Variants in IL22RA2 observed in about 807,000 individuals in gnomAD.
IL22RA2 encodes interleukin 22 receptor subunit alpha 2.
IL22RA2 carries 39 observed loss-of-function variants against 30.7 expected under a neutral mutation model. The ratio of observed to expected loss-of-function variants is 1.27; its 90% CI spans 0.98 to 1.66. The LOEUF is 1.66. IL22RA2 is among the 40% of genes most tolerant of loss of function. The pLI, the probability that IL22RA2 is intolerant of heterozygous loss-of-function variation, is 0.00. For missense variants in IL22RA2, 315 were observed against 312.7 expected (o/e 1.01, Z -0.05); for synonymous variants, 103 against 105.0 (o/e 0.98, Z 0.11).
intron 3 of IL22RA2, among the ~76,000 whole-genome samples, chr6:137,157,161 T>G (rs1778423111): frequency 6.6e-6 from 1 of 152,152 alleles, no homozygotes; most frequent in Non-Finnish European, 1.5e-5. Context: ...AGGAAAAGAT[T>G]TATAAATATA....
At chr6:137,147,962 T>C (rs563797902) in intron 5 of IL22RA2, 71 bp from the exon 6 acceptor site, 177 of 1,376,268 alleles carry the variant, frequency 1.3e-4, no homozygotes, top group Non-Finnish European at 2.0e-5. Context: ...TTATGTATAA[T>C]GACAAATCAG....
Position 137,143,851 on chromosome 6 carries a change from T to G in IL22RA2, c.*1773A>C, listed in dbSNP as rs1254275807. 1.3e-5 allele frequency: 2 copies of G among 152,236 alleles called. No individual in the cohort carries two copies. The highest frequency in any genetic ancestry group is 2.9e-5 in the Non-Finnish European group (2 of 68,038). The allele number at this position is 152,236 out of a possible 1,614,324, so 9.4% of individuals were successfully genotyped here. On this transcript the variant is annotated 3_prime_UTR_variant, in exon 7 of 7. Coordinates refer to ENST00000296980, the MANE Select transcript of IL22RA2 (RefSeq NM_052962.3). Reference sequence around the variant, plus strand: ...AAAAAAAGGATTTATTGAAATCATGTGACAATATATCCCTAACACCATGAA... The same window carrying G: ...AAAAAAAGGATTTATTGAAATCATGGGACAATATATCCCTAACACCATGAA...
intron 1 of IL22RA2, among the ~76,000 whole-genome samples, chr6:137,172,140 T>C (rs1201629968): frequency 6.6e-6 from 1 of 152,232 alleles, no homozygotes; most frequent in Non-Finnish European, 1.5e-5. Flanking sequence ...TCAATACCAA[T>C]AGATCTCATT....
intron 5 of IL22RA2, among the ~76,000 whole-genome samples, chr6:137,148,101 A>G (rs1030669508): frequency 3.9e-5 from 6 of 152,180 alleles, no homozygotes; most frequent in Admixed American, 3.3e-4. Flanking sequence ...AGAAAATTGC[A>G]TATGTATTTG....
chr6:137,169,539 G>T (rs1024323083), intron 1 of IL22RA2, among the ~76,000 whole-genome samples: 1 of 152,156 alleles, frequency 6.6e-6, no homozygotes, highest in Non-Finnish European at 1.5e-5. Flanking sequence ...AAAGAAATGT[G>T]TTTACAAAAA....
At chr6:137,157,092 T>C (rs1778422075) in intron 3 of IL22RA2, among the ~76,000 whole-genome samples, 1 of 152,150 alleles carries the variant, frequency 6.6e-6, no homozygotes. Context: ...AAGGATCAAA[T>C]TTCAACATGA....
intron 1 of IL22RA2, among the ~76,000 whole-genome samples, chr6:137,167,476 C>T (rs561445132): frequency 9.2e-5 from 14 of 152,296 alleles, no homozygotes; most frequent in African/African-American, 3.4e-4. Context: ...GGTGAGGTCT[C>T]GCAGGAAATG....
intron 2 of IL22RA2, among the ~76,000 whole-genome samples, chr6:137,159,011 GC>G (rs1358021659): frequency 6.6e-6 from 1 of 152,146 alleles, no homozygotes; most frequent in African/African-American, 2.4e-5. Context: ...CTCCTGAATG[GC>G]TGTATTTACC....
rs558752550 is a variant in IL22RA2 at position 137,158,409 on chromosome 6, C to A, written c.135G>T (p.Leu45Phe). 21 of 1,614,150 alleles carry A rather than the reference C, an allele frequency of 1.3e-5. No individual in the cohort carries two copies. In the South Asian group the frequency reaches 1.9e-4, roughly 14 times the overall value. Residue 45 changes from leucine (L) to phenylalanine (F), a missense_variant, in exon 3 of 7, where the codon TTG becomes TTT. Physicochemically the swap from Leu to Phe is conservative, Grantham distance 22. Coordinates refer to ENST00000296980, the MANE Select transcript of IL22RA2 (RefSeq NM_052962.3). ...TAAGTGCCCTCCCAGGCTGCCATTG[C>A]AAAATGTTGTGAAAATTTCGGGACT... The part of the protein sequence containing the change: ...QFQSRNFHNI[L>F]QWQPGRALTG...
At chr6:137,146,822 G>C (rs571432570) in intron 6 of IL22RA2, among the ~76,000 whole-genome samples, 9 of 152,044 alleles carry the variant, frequency 5.9e-5, no homozygotes, top group African/African-American at 1.9e-4. Context: ...GCCAGAGCCT[G>C]TCCCTACTAA....
At chr6:137,154,325 T>G (rs1221792526) in intron 5 of IL22RA2, among the ~76,000 whole-genome samples, 1 of 152,120 alleles carries the variant, frequency 6.6e-6, no homozygotes, top group Non-Finnish European at 1.5e-5. Context: ...TAAAAATACT[T>G]TTTTAGGGGC....
chr6:137,158,389 G>A lies in IL22RA2; in HGVS notation c.155C>T (p.Ala52Val). 1 of 1,614,158 alleles carries A rather than the reference G, an allele frequency of 6.2e-7. No individual in the cohort carries two copies. Among genetic ancestry groups the A allele is most frequent in the Non-Finnish European group, 8.5e-7 (1 of 1,179,998 alleles). ...ATAGACACTGCTGTTGCCAGTAAGT[G>A]CCCTCCCAGGCTGCCATTGCAAAAT... ...HNILQWQPGR[A>V]LTGNSSVYFV... The change falls in exon 3 of 7, where the codon GCA (alanine) becomes GTA (valine). Residue 52 changes from alanine to valine, a missense_variant. Physicochemically the swap from Ala to Val is moderately conservative, Grantham distance 64. Transcript: ENST00000296980.
At chr6:137,158,514 C>A (rs767227640) in intron 2 of IL22RA2, 32 bp from the exon 3 acceptor site, 7 of 1,611,964 alleles carry the variant, frequency 4.3e-6, no homozygotes, top group Non-Finnish European at 2.5e-6. Flanking sequence ...GAACATTGAA[C>A]GTTGCTTGGA....
chr6:137,145,797 CA>C, intron 6 of IL22RA2, 24 bp from the exon 7 acceptor site: 1 of 1,613,346 alleles, frequency 6.2e-7, no homozygotes, highest in Non-Finnish European at 8.5e-7. Flanking sequence ...AGAAAATAAT[CA>C]GTTGGTAAAT....
chr6:137,150,558 C>G (rs1031749794), intron 5 of IL22RA2, among the ~76,000 whole-genome samples: 4 of 147,982 alleles, frequency 2.7e-5, no homozygotes, highest in African/African-American at 1.0e-4. Flanking sequence ...TCAACACTAT[C>G]CCAATTTAAA....
chr6:137,162,693 C>T (rs1027086570), intron 1 of IL22RA2, among the ~76,000 whole-genome samples: 2 of 152,142 alleles, frequency 1.3e-5, no homozygotes, highest in East Asian at 3.9e-4. Flanking sequence ...AAGTCATGTT[C>T]CATAGTGAAC....
chr6:137,158,377 T>C lies in IL22RA2; in HGVS notation c.167A>G (p.Asn56Ser), dbSNP rs374224961. Residue 56 changes from asparagine (N) to serine (S), a missense_variant, in exon 3 of 7, where the codon AAC (asparagine) becomes AGC (serine). Transcript: ENST00000296980. ...QWQPGRALTGNSSVYFVQYKI... is the reference protein window; with the variant it reads ...QWQPGRALTGSSSVYFVQYKI... ...GTACTGCACAAAATAGACACTGCTG[T>C]TGCCAGTAAGTGCCCTCCCAGGCTG... 3.7e-6 allele frequency: 6 copies of C among 1,614,092 alleles called. No individual in the cohort carries two copies. The highest frequency in any genetic ancestry group is 5.1e-6 in the Non-Finnish European group (6 of 1,180,020).
chr6:137,171,997 C>G (rs1422458480), intron 1 of IL22RA2, among the ~76,000 whole-genome samples: 3 of 152,340 alleles, frequency 2.0e-5, no homozygotes, highest in African/African-American at 7.2e-5. Flanking sequence ...CTTTTCACCT[C>G]TTCATGCTCC....
At chr6:137,158,805 T>G (rs13218770) in intron 2 of IL22RA2, among the ~76,000 whole-genome samples, 7 of 152,154 alleles carry the variant, frequency 4.6e-5, no homozygotes, top group Non-Finnish European at 1.0e-4. Context: ...TGGAATATAA[T>G]GACTGAGATG....
Sources: gnomAD v4.1 joint callset for allele counts (sites outside exome capture counted in the v4.1 genomes callset) on GRCh38, gnomAD v4.1.1 for gene constraint, MANE v1.5 for transcripts, NCBI Gene and HGNC (gene_info 2026-07-23, HGNC 2026-07-21) for gene names.